Variants in OPHN1 observed in about 807,000 individuals in gnomAD.
OPHN1 encodes oligophrenin 1, also known as oligophrenin-1.
In OPHN1, 11 loss-of-function variants were observed where a neutral mutation model predicts 60.7. The ratio of observed to expected loss-of-function variants is 0.18; its 90% CI spans 0.11 to 0.30. The LOEUF (loss-of-function observed/expected upper bound fraction) is 0.30, where lower values mean the gene tolerates loss of function less well. OPHN1 is among the 10% of genes least tolerant of loss of function. The pLI, the probability that OPHN1 is intolerant of heterozygous loss-of-function variation, is 1.00. For synonymous variants in OPHN1, 226 were observed against 222.6 expected, an observed-to-expected ratio of 1.02 and a Z score of -0.14; for missense variants, 449 against 611.0, an observed-to-expected ratio of 0.73 and a Z score of 2.80.
At chrX:68,134,488 C>T (rs534940151) in intron 15 of OPHN1, among the ~76,000 whole-genome samples, 1 of 111,769 alleles carries the variant, frequency 8.9e-6, no homozygotes, top group Admixed American at 9.4e-5. Context: ...TGGACTCTGC[C>T]TAAGCGTGTT....
intron 2 of OPHN1, among the ~76,000 whole-genome samples, chrX:68,402,787 A>G (rs1786317102): frequency 8.9e-6 from 1 of 111,858 alleles, no homozygotes; most frequent in Non-Finnish European, 1.9e-5. Flanking sequence ...GTGATAATGG[A>G]AAGGGCCAAG....
chrX:68,098,758 C>T (rs1278999291), intron 18 of OPHN1, among the ~76,000 whole-genome samples: 1 of 111,312 alleles, frequency 9.0e-6, no homozygotes, highest in Non-Finnish European at 1.9e-5. Context: ...ACCAAGTGAC[C>T]CTAAAAGGCT....
intron 5 of OPHN1, among the ~76,000 whole-genome samples, chrX:68,266,243 C>G (rs771281037): frequency 2.5e-4 from 28 of 111,097 alleles, no homozygotes; most frequent in Non-Finnish European, 3.8e-4. Flanking sequence ...CACCAAAGTT[C>G]ACATGAAGGA....
chrX:68,164,975 C>A (rs181963978), intron 15 of OPHN1, among the ~76,000 whole-genome samples: 2 of 111,972 alleles, frequency 1.8e-5, no homozygotes, highest in African/African-American at 6.5e-5. Context: ...GAACCAACAA[C>A]CTATGCTAGC....
intron 2 of OPHN1, among the ~76,000 whole-genome samples, chrX:68,339,953 A>C (rs903432906): frequency 1.8e-5 from 2 of 112,265 alleles, no homozygotes; most frequent in South Asian, 3.7e-4. Flanking sequence ...AATAAAGAAC[A>C]CTGTTTCACG....
intron 15 of OPHN1, among the ~76,000 whole-genome samples, chrX:68,142,291 C>T (rs931388403): frequency 6.2e-5 from 7 of 112,162 alleles, no homozygotes; most frequent in Non-Finnish European, 1.1e-4. Context: ...AAGAATAATT[C>T]AAAGTCTTAA....
At position 68,201,799 on chromosome X, in the gene OPHN1, AAGG is replaced by A; in HGVS notation, c.934-92_934-90del. On this transcript the variant is annotated intron_variant, in intron 10 of 24. Transcript: ENST00000355520. The stretch of plus-strand genomic sequence containing the variant: ...CTACAGTGTCTTCAGTGTCACTTGG[AAGG>A]CGTCTGGTCAAGGCAGCAGGAGCAA... 5.3e-6 allele frequency: 4 copies of A among 750,953 alleles called. No homozygotes were observed. The South Asian group carries it at 6.3e-5, about 12-fold the overall frequency. The allele number at this position is 750,953 out of a possible 1,213,427, so 61.9% of individuals were successfully genotyped here.
intron 8 of OPHN1, 60 bp from the exon 9 acceptor site, chrX:68,210,342 T>C: frequency 2.7e-6 from 3 of 1,129,174 alleles, no homozygotes; most frequent in Non-Finnish European, 3.6e-6. Flanking sequence ...AAAAAGTATT[T>C]CTTGGTCAGA....
intron 17 of OPHN1, 75 bp from the exon 18 acceptor site, chrX:68,112,034 T>C: frequency 1.7e-6 from 1 of 572,881 alleles, no homozygotes; most frequent in African/African-American, 2.5e-5. Context: ...CACATATATA[T>C]GCACAAACAC....
chrX:68,256,861 G>A (rs754570866), intron 5 of OPHN1, among the ~76,000 whole-genome samples: 2 of 109,874 alleles, frequency 1.8e-5, no homozygotes, highest in East Asian at 2.9e-4. Context: ...GTGAAACCCC[G>A]TCTCTACTAA....
At chrX:68,074,466 C>T (rs1773585755) in intron 19 of OPHN1, among the ~76,000 whole-genome samples, 1 of 111,372 alleles carries the variant, frequency 9.0e-6, no homozygotes, top group Admixed American at 9.5e-5. Flanking sequence ...ATTTTGTGAG[C>T]TCAAACACTG....
At position 68,081,468 on chromosome X, in the gene OPHN1, T is replaced by C. The variant is rs189922199; in HGVS notation, c.1687-8169A>G. ...GTTGTGATGGTTGAATGAGGTAACATACAGACATACCTAGGAGATAGTGTG... is the reference window on the plus strand; with the variant it reads ...GTTGTGATGGTTGAATGAGGTAACACACAGACATACCTAGGAGATAGTGTG... On this transcript the variant is annotated intron_variant, in intron 19 of 24. Transcript: ENST00000355520. Among the ~76,000 whole-genome samples, 38 of 111,729 alleles carry C rather than the reference T, an allele frequency of 3.4e-4. No individual in the cohort carries two copies. The East Asian group carries it at 9.3e-3, about 27-fold the overall frequency.
chrX:68,133,784 C>A (rs1602180621), intron 15 of OPHN1, among the ~76,000 whole-genome samples: 2 of 111,503 alleles, frequency 1.8e-5, no homozygotes, highest in Admixed American at 1.9e-4. Context: ...TGTATGAGAG[C>A]GTGTGTATGT....
chrX:68,391,768 T>C (rs1209638726), intron 2 of OPHN1, among the ~76,000 whole-genome samples: 1 of 111,201 alleles, frequency 9.0e-6, no homozygotes, highest in Non-Finnish European at 1.9e-5. Flanking sequence ...AAGTCAGTAA[T>C]GTAATGATGG....
At chrX:68,377,714 A>G in intron 2 of OPHN1, among the ~76,000 whole-genome samples, 1 of 109,881 alleles carries the variant, frequency 9.1e-6, no homozygotes, top group East Asian at 2.9e-4. Context: ...GTTTACTGAG[A>G]ATGATGATTT....
chrX:68,210,674 A>G (rs1457238086), intron 8 of OPHN1, among the ~76,000 whole-genome samples: 2 of 112,056 alleles, frequency 1.8e-5, no homozygotes, highest in South Asian at 3.7e-4. Flanking sequence ...TTGTGTCTCA[A>G]AGTTACAGCC....
At chrX:68,189,942 A>G (rs1466927770) in intron 15 of OPHN1, among the ~76,000 whole-genome samples, 1 of 110,270 alleles carries the variant, frequency 9.1e-6, no homozygotes, top group African/African-American at 3.3e-5. Context: ...AAAAATAACA[A>G]GAAGTATCCT....
At chrX:68,247,108 C>T (rs2077810027) in intron 5 of OPHN1, among the ~76,000 whole-genome samples, 1 of 111,136 alleles carries the variant, frequency 9.0e-6, no homozygotes, top group Non-Finnish European at 1.9e-5. Context: ...CCTCACACTC[C>T]ACTTCACTGG....
chrX:68,092,565 C>T (rs1161675020), intron 19 of OPHN1, among the ~76,000 whole-genome samples: 1 of 111,810 alleles, frequency 8.9e-6, no homozygotes, highest in African/African-American at 3.2e-5. Context: ...AAGGTCAGAA[C>T]TTCGACTACT....
Sources: gnomAD v4.1 joint callset for allele counts (sites outside exome capture counted in the v4.1 genomes callset) on GRCh38, gnomAD v4.1.1 for gene constraint, MANE v1.5 for transcripts, NCBI Gene and HGNC (gene_info 2026-07-23, HGNC 2026-07-21) for gene names.